BORCS8: variants seen among roughly 807,000 people sequenced by gnomAD.
The protein encoded by BORCS8 is BLOC-1 related complex subunit 8.
BORCS8 carries 13 observed loss-of-function variants against 18.7 expected under a neutral mutation model. The observed-to-expected ratio is 0.70, with a 90% CI of 0.45 to 1.11. The LOEUF is 1.11. Among genes scored for constraint, BORCS8 ranks in the 50% least tolerant of loss-of-function variants. BORCS8 has a pLI of 0.00. For synonymous variants in BORCS8, 68 were observed against 64.8 expected, an observed-to-expected ratio of 1.05 and a Z score of -0.24; for missense variants, 165 against 165.7, an observed-to-expected ratio of 1.00 and a Z score of 0.02.
At chr19:19,188,178 C>A (rs915705133) in intron 1 of BORCS8, among the ~76,000 whole-genome samples, 3 of 151,836 alleles carry the variant, frequency 2.0e-5, no homozygotes, top group Non-Finnish European at 2.9e-5. Flanking sequence ...TACAGGCACC[C>A]GCCACCACGC....
At chr19:19,188,333 T>G (rs1016093182) in intron 1 of BORCS8, among the ~76,000 whole-genome samples, 5 of 152,064 alleles carry the variant, frequency 3.3e-5, no homozygotes, top group Admixed American at 6.5e-5. Context: ...CGGCTCATTT[T>G]TTAAAATAGA....
At position 19,177,080 on chromosome 19, in the gene BORCS8, T is replaced by G. The variant is rs2060296695; in HGVS notation, c.*423A>C. ...ACCTTCCTGATGCTCCTGGTAGAAC[T>G]CCCAGGAAAGGTCGCTCATTGGGTC... On this transcript the variant is annotated 3_prime_UTR_variant, in exon 6 of 6. Coordinates refer to ENST00000462790, the MANE Select transcript of BORCS8 (RefSeq NM_001145784.2). The G allele has an allele frequency of 3.3e-5, 5 of 152,076 alleles. 1 individual carries two copies. The South Asian group carries it at 1.0e-3, about 32-fold the overall frequency. 9.4% of individuals were successfully genotyped at this position (152,076 alleles called of 1,614,324 possible).
chr19:19,182,909 AG>A lies in BORCS8; in HGVS notation c.216-227del, dbSNP rs1483855275. ...ACTGAAACATCTAATGTTTTGAAGGAGGGATCAGTGTATAAAGATGTCATAA... is the reference window on the plus strand; with the variant it reads ...ACTGAAACATCTAATGTTTTGAAGGAGGATCAGTGTATAAAGATGTCATAA... On this transcript the variant is annotated intron_variant, in intron 3 of 5. Coordinates refer to ENST00000462790, the MANE Select transcript of BORCS8 (RefSeq NM_001145784.2). This position sits in a 1 kb window ranked among gnomAD's most constrained non-coding sequence, Gnocchi z 4.1. 6.6e-6 allele frequency among the ~76,000 whole-genome samples: 1 copy of A among 152,202 alleles called. No homozygotes were observed. Among genetic ancestry groups the A allele is most frequent in the African/African-American group, 2.4e-5 (1 of 41,460 alleles).
rs1568562355 is a variant in BORCS8, at chr19:19,177,889, T to TG, written c.*43-430_*43-429insC. 94 of 146,894 alleles carry TG rather than the reference T, an allele frequency of 6.4e-4. 2 individuals carry two copies. In the South Asian group the frequency reaches 0.019, roughly 29 times the overall value. 9.1% of individuals were successfully genotyped at this position (146,894 alleles called of 1,614,324 possible). ...CTGACTGTGCCCTTTTTTTTTTTGG[T>TG]TGGGGGGCGGCGGGTGCGAAGTCTC... On this transcript the variant is annotated intron_variant, in intron 5 of 5. Coordinates refer to ENST00000462790, the MANE Select transcript of BORCS8 (RefSeq NM_001145784.2).
Position 19,177,002 on chromosome 19 carries a change from T to C in BORCS8, c.*501A>G, listed in dbSNP as rs7252538. 7,171 of 133,918 alleles carry C rather than the reference T, an allele frequency of 0.054. 214 individuals carry two copies. Among genetic ancestry groups the C allele is most frequent in the Admixed American group, 0.08 (1,034 of 12,948 alleles). 8.3% of individuals were successfully genotyped at this position (133,918 alleles called of 1,614,324 possible). A position where few individuals can be genotyped will look rare whatever the true frequency, so the allele number is the denominator to read the frequency against. On this transcript the variant is annotated 3_prime_UTR_variant, in exon 6 of 6. Transcript: ENST00000462790. The stretch of plus-strand genomic sequence containing the variant: ...GGATCCAGGGCTCCACACAATGTTC[T>C]CAGGTCCCCCCGGAACCCCTCGCCC...
intron 3 of BORCS8, 27 bp downstream of exon 3, chr19:19,186,007 C>T (rs1375243590): frequency 1.9e-6 from 3 of 1,548,610 alleles, no homozygotes; most frequent in African/African-American, 1.4e-5. Context: ...AAAGGTGGCC[C>T]TGCAGCGGGG....
chr19:19,190,750 TGC>T (rs751378254), intron 1 of BORCS8, among the ~76,000 whole-genome samples: 9 of 151,888 alleles, frequency 5.9e-5, no homozygotes, highest in Non-Finnish European at 1.3e-4. Flanking sequence ...ATCACGCCAT[TGC>T]ACTCCAGCCT....
Position 19,182,357 on chromosome 19 carries a change from A to T in BORCS8, c.326+216T>A. 7.9e-7 allele frequency: 1 copy of T among 1,263,286 alleles called. No homozygotes were observed. The allele number at this position is 1,263,286 out of a possible 1,614,324, so 78.3% of individuals were successfully genotyped here. On this transcript the variant is annotated intron_variant, in intron 4 of 5. Coordinates refer to ENST00000462790, the MANE Select transcript of BORCS8 (RefSeq NM_001145784.2). The surrounding 1 kb of genome is among the most constrained non-coding windows in gnomAD (Gnocchi z 4.1). The stretch of plus-strand genomic sequence containing the variant: ...GGTCACTGCTATGTCCCCAGTGCCC[A>T]GCCCAGGGCCAGGCACACAGCAGAG...
Position 19,180,766 on chromosome 19 carries a change from A to G in BORCS8, c.327-5T>C. ...GGCGGGGGTGGTTCCTCCGGGCTGC[A>G]ACAAAACATGTGCAGCATCCATGAG... On this transcript the variant is annotated splice_polypyrimidine_tract_variant and splice_region_variant and intron_variant, in intron 4 of 5. Transcript: ENST00000462790. 1.3e-6 allele frequency: 2 copies of G among 1,547,054 alleles called. No homozygotes were observed. Among genetic ancestry groups the G allele is most frequent in the African/African-American group, 1.4e-5 (1 of 73,076 alleles).
In BORCS8 at chr19:19,177,013, C is replaced by CA. The variant is rs36114489; in HGVS notation, c.*489_*490insT. The CA allele has an allele frequency of 1.3e-5, 2 of 151,960 alleles. No homozygotes were observed. The allele number at this position is 151,960 out of a possible 1,614,324, so 9.4% of individuals were successfully genotyped here. ...TCCACACAATGTTCTCAGGTCCCCC[C>CA]GGAACCCCTCGCCCCGGCCTGGTTC... On this transcript the variant is annotated 3_prime_UTR_variant, in exon 6 of 6. Coordinates refer to ENST00000462790, the MANE Select transcript of BORCS8 (RefSeq NM_001145784.2).
In BORCS8 at chr19:19,182,497, A is replaced by T; in HGVS notation, c.326+76T>A. ...GACAGTTTTCTAATAAGCGAGAAGC[A>T]GCGGTTCCCAGCGCAGCTGAGAGAC... On this transcript the variant is annotated intron_variant, in intron 4 of 5. Coordinates refer to ENST00000462790, the MANE Select transcript of BORCS8 (RefSeq NM_001145784.2). This position sits in a 1 kb window ranked among gnomAD's most constrained non-coding sequence, Gnocchi z 4.1. 1 of 1,501,648 alleles carries T rather than the reference A, an allele frequency of 6.7e-7. No homozygotes were observed. The highest frequency in any genetic ancestry group is 8.9e-7 in the Non-Finnish European group (1 of 1,125,756). The allele number at this position is 1,501,648 out of a possible 1,614,324, so 93.0% of individuals were successfully genotyped here. A position where few individuals can be genotyped will look rare whatever the true frequency, so the allele number is the denominator to read the frequency against.
intron 1 of BORCS8, 151 bp from the exon 2 acceptor site, chr19:19,187,156 A>G (rs1233846296): frequency 1.6e-6 from 1 of 606,810 alleles, no homozygotes; most frequent in African/African-American, 1.9e-5. Context: ...GGCTGGAGGA[A>G]GTGGTCACAG....
Position 19,182,076 on chromosome 19 carries a change from C to T in BORCS8, c.326+497G>A, listed in dbSNP as rs2060354433. On this transcript the variant is annotated intron_variant, in intron 4 of 5. Coordinates refer to ENST00000462790, the MANE Select transcript of BORCS8 (RefSeq NM_001145784.2). This position sits in a 1 kb window ranked among gnomAD's most constrained non-coding sequence, Gnocchi z 4.1. ...CCTGCCATCTCCCTGGCCCCATCTC[C>T]CCCAGCTGGCCGGCTCCAGCCACAG... The T allele has an allele frequency of 1.0e-6, 1 of 983,054 alleles. No homozygotes were observed. Among genetic ancestry groups the T allele is most frequent in the Admixed American group, 6.1e-5 (1 of 16,326 alleles). 60.9% of individuals were successfully genotyped at this position (983,054 alleles called of 1,614,324 possible). A position where few individuals can be genotyped will look rare whatever the true frequency, so the allele number is the denominator to read the frequency against.
At chr19:19,188,902 T>C (rs919737518) in intron 1 of BORCS8, among the ~76,000 whole-genome samples, 5 of 151,842 alleles carry the variant, frequency 3.3e-5, no homozygotes, top group Admixed American at 1.3e-4. Context: ...TAGTGTAATC[T>C]CGGCTCACTG....
At chr19:19,187,342 G>A (rs1046811489) in intron 1 of BORCS8, among the ~76,000 whole-genome samples, 16 of 152,132 alleles carry the variant, frequency 1.1e-4, no homozygotes, top group African/African-American at 3.9e-4. Flanking sequence ...AGGCATGATG[G>A]CGGGCGCCTG....
chr19:19,182,273 G>T lies in BORCS8; in HGVS notation c.326+300C>A. 1 of 565,758 alleles carries T rather than the reference G, an allele frequency of 1.8e-6. No homozygotes were observed. The highest frequency in any genetic ancestry group is 2.5e-6 in the Non-Finnish European group (1 of 397,262). The allele number at this position is 565,758 out of a possible 1,614,324, so 35.0% of individuals were successfully genotyped here. On this transcript the variant is annotated intron_variant, in intron 4 of 5. Coordinates refer to ENST00000462790, the MANE Select transcript of BORCS8 (RefSeq NM_001145784.2). The surrounding 1 kb of genome is among the most constrained non-coding windows in gnomAD (Gnocchi z 4.1). ...GTGTTCTTCACAGCGCATCTGACATGCTCTTGTCTGCCATGTTTACCTGGT... is the reference window on the plus strand; with the variant it reads ...GTGTTCTTCACAGCGCATCTGACATTCTCTTGTCTGCCATGTTTACCTGGT...
chr19:19,180,968 G>A (rs982135655), intron 4 of BORCS8, among the ~76,000 whole-genome samples: 3 of 152,152 alleles, frequency 2.0e-5, no homozygotes, highest in Non-Finnish European at 4.4e-5. Context: ...GCTGAGGTGG[G>A]TGGATCACCT....
At chr19:19,186,501 T>G (rs558127934) in intron 2 of BORCS8, among the ~76,000 whole-genome samples, 8 of 152,316 alleles carry the variant, frequency 5.3e-5, no homozygotes, top group African/African-American at 1.9e-4. Flanking sequence ...CTCATCCTGT[T>G]CTCCTGATAA....
Position 19,186,920 on chromosome 19 carries a change from G to A in BORCS8, c.123C>T (p.Arg41=). 6.4e-7 allele frequency: 1 copy of A among 1,550,750 alleles called. No homozygotes were observed. Among genetic ancestry groups the A allele is most frequent in the South Asian group, 1.2e-5 (1 of 84,024 alleles). The change falls in exon 2 of 6, where the codon CGC becomes CGT. Residue 41 remains arginine, a synonymous_variant. Transcript: ENST00000462790. ...ALYRLQEHVR[R]SLPELAQHKA... is the part of the protein sequence containing the mutation. ...TGTGCTGGGCCAGCTCGGGGAGGGA[G>A]CGACGCACATGCTCCTGCAGCCGGT...
Sources: allele counts gnomAD v4.1 joint callset (sites outside exome capture counted in the v4.1 genomes callset), GRCh38; gene constraint gnomAD v4.1.1; non-coding constraint Gnocchi (gnomAD v3.1); transcripts MANE v1.5; gene names NCBI Gene and HGNC (gene_info 2026-07-23, HGNC 2026-07-21).